The following RIMBP2 variants were observed in gnomAD, a reference collection of about 807,000 sequenced individuals.
RIMBP2 encodes the protein RIMS-binding protein 2.
A neutral mutation model predicts 118.6 loss-of-function variants in RIMBP2; 48 were observed. That is an observed-to-expected ratio of 0.40 (90% CI 0.32 to 0.51). The LOEUF (loss-of-function observed/expected upper bound fraction) is 0.51. Ranked by LOEUF, RIMBP2 falls within the 20% of genes least tolerant of loss-of-function variation. The pLI is 0.41. For missense variants in RIMBP2, 1,551 were observed against 1,768.3 expected, an observed-to-expected ratio of 0.88 and a Z score of 2.20; for synonymous variants, 762 against 742.9, an observed-to-expected ratio of 1.03 and a Z score of -0.42.
At chr12:130,510,642 C>T (rs1248838842) in intron 3 of RIMBP2, among the ~76,000 whole-genome samples, 3 of 152,040 alleles carry the variant, frequency 2.0e-5, no homozygotes, top group Non-Finnish European at 2.9e-5. Flanking sequence ...CTAATTTTTG[C>T]ATTTTAAGGA....
At chr12:130,474,794 C>T (rs938693194) in intron 5 of RIMBP2, among the ~76,000 whole-genome samples, 11 of 152,178 alleles carry the variant, frequency 7.2e-5, no homozygotes, top group African/African-American at 1.4e-4. Context: ...GACTGCACTC[C>T]GGGTCCCAGC....
chr12:130,555,436 T>C (rs964307629), intron 2 of RIMBP2, among the ~76,000 whole-genome samples: 1 of 152,214 alleles, frequency 6.6e-6, no homozygotes, highest in African/African-American at 2.4e-5. Flanking sequence ...TTAGTATTTA[T>C]ACTTTAGCCT....
chr12:130,689,514 C>T (rs191873491), intron 1 of RIMBP2, among the ~76,000 whole-genome samples: 5 of 152,232 alleles, frequency 3.3e-5, no homozygotes, highest in Admixed American at 2.0e-4. Flanking sequence ...ACTGCAGGCC[C>T]GAGAAAAAGG....
At chr12:130,463,315 CACCTGCTCGGCGCTAG>C in intron 6 of RIMBP2, among the ~76,000 whole-genome samples, 1 of 152,342 alleles carries the variant, frequency 6.6e-6, no homozygotes, top group African/African-American at 2.4e-5. Context: ...ATCCCGAGGC[CACCTGCTCGGCGCTAG>C]GGTCTGCAGG....
intron 2 of RIMBP2, among the ~76,000 whole-genome samples, chr12:130,582,256 G>C (rs536469862): frequency 6.7e-4 from 102 of 152,136 alleles, no homozygotes; most frequent in African/African-American, 2.4e-3. Context: ...AATCTGTTTT[G>C]TTCACTATTG....
Position 130,420,598 on chromosome 12 carries a change from A to C in RIMBP2, c.3238+1855T>G, listed in dbSNP as rs529568750. On this transcript the variant is annotated intron_variant, in intron 17 of 22. Coordinates refer to ENST00000690449, the MANE Select transcript of RIMBP2 (RefSeq NM_001393629.1). The surrounding 1 kb of genome is among the most constrained non-coding windows in gnomAD (Gnocchi z 4.3). ...TCTCACTGCTGATGAATGCAGTTTT[A>C]AAAAAAAAGTCTCAACAATATACAG... Among the ~76,000 whole-genome samples the C allele has an allele frequency of 1.3e-5, 2 of 150,994 alleles. No homozygotes were observed. The highest frequency in any genetic ancestry group is 4.9e-5 in the African/African-American group (2 of 40,706).
intron 12 of RIMBP2, 30 bp downstream of exon 12, chr12:130,438,335 A>AGCCACCCCCCCCC: frequency 2.3e-6 from 2 of 865,012 alleles, no homozygotes; most frequent in Non-Finnish European, 3.8e-6. Flanking sequence ...GGCCTAACAA[A>AGCCACCCCCCCCC]CCCTCCCCAC....
chr12:130,501,445 C>T (rs1365260846), intron 4 of RIMBP2, among the ~76,000 whole-genome samples: 1 of 152,198 alleles, frequency 6.6e-6, no homozygotes, highest in African/African-American at 2.4e-5. Flanking sequence ...GGGGGTTGGA[C>T]TCTGGACCAC....
At chr12:130,504,051 G>C (rs142434875) in intron 4 of RIMBP2, among the ~76,000 whole-genome samples, 1 of 152,188 alleles carries the variant, frequency 6.6e-6, no homozygotes, top group African/African-American at 2.4e-5. Flanking sequence ...GGGAGCAGGG[G>C]GGGGTGTCTA....
intron 2 of RIMBP2, among the ~76,000 whole-genome samples, chr12:130,563,478 T>C (rs557614413): frequency 1.3e-5 from 2 of 152,342 alleles, no homozygotes; most frequent in South Asian, 2.1e-4. Context: ...TCTACAATTA[T>C]TAAGCTGTTC....
At chr12:130,444,524 G>C (rs568004911) in intron 10 of RIMBP2, among the ~76,000 whole-genome samples, 2 of 152,340 alleles carry the variant, frequency 1.3e-5, no homozygotes, top group African/African-American at 4.8e-5. Context: ...TAGGGAATTA[G>C]GGAATCAAAT....
intron 3 of RIMBP2, among the ~76,000 whole-genome samples, chr12:130,507,879 C>G (rs548034957): frequency 3.9e-5 from 6 of 152,286 alleles, no homozygotes; most frequent in African/African-American, 1.2e-4. Flanking sequence ...CAAATACATT[C>G]TGTACTGAGT....
intron 2 of RIMBP2, among the ~76,000 whole-genome samples, chr12:130,555,066 C>G (rs945947510): frequency 1.3e-5 from 2 of 152,160 alleles, no homozygotes; most frequent in African/African-American, 4.8e-5. Flanking sequence ...ATCATTATCC[C>G]CATCTTAGAG....
At chr12:130,540,707 T>C (rs1374571132) in intron 2 of RIMBP2, among the ~76,000 whole-genome samples, 1 of 152,106 alleles carries the variant, frequency 6.6e-6, no homozygotes, top group African/African-American at 2.4e-5. Flanking sequence ...CCCCTAGTAT[T>C]AGTTGGTCAG....
At chr12:130,502,086 C>T (rs2049847855) in intron 4 of RIMBP2, among the ~76,000 whole-genome samples, 1 of 152,340 alleles carries the variant, frequency 6.6e-6, no homozygotes, top group African/African-American at 2.4e-5. Context: ...GCCAGAAGCC[C>T]TGTCTTGCCT....
intron 2 of RIMBP2, among the ~76,000 whole-genome samples, chr12:130,530,853 C>T (rs1392209790): frequency 6.6e-6 from 1 of 152,218 alleles, no homozygotes; most frequent in Admixed American, 6.5e-5. Context: ...AGCAAGGCCA[C>T]ATTCAGTTAT....
chr12:130,704,623 T>A (rs1425110180), intron 1 of RIMBP2, among the ~76,000 whole-genome samples: 1 of 151,940 alleles, frequency 6.6e-6, no homozygotes, highest in Non-Finnish European at 1.5e-5. Flanking sequence ...TAAAGGGAAG[T>A]TTTTAAATCT....
chr12:130,403,153 C>G (rs1349234534), intron 21 of RIMBP2, among the ~76,000 whole-genome samples: 1 of 152,096 alleles, frequency 6.6e-6, no homozygotes, highest in Non-Finnish European at 1.5e-5. Context: ...TTACAGATAT[C>G]AAAACAAAGT....
chr12:130,451,228 T>C lies in RIMBP2; in HGVS notation c.471A>G (p.Arg157=). 2 of 1,613,954 alleles carry C rather than the reference T, an allele frequency of 1.2e-6. No individual in the cohort carries two copies. The highest frequency in any genetic ancestry group is 1.7e-6 in the Non-Finnish European group (2 of 1,179,952). Residue 157 remains arginine (R), a synonymous_variant, in exon 8 of 23, where the codon AGA becomes AGG. Transcript: ENST00000690449. ...CAGATCTGCATCTTGCGCTACCGGA[T>C]CTCGACAGGAAGGTGGGCTTGGCGG... ...PLSAKPTFLS[R]SGSARCRSES...
Sources: gnomAD v4.1 joint callset for allele counts (sites outside exome capture counted in the v4.1 genomes callset) on GRCh38, gnomAD v4.1.1 for gene constraint, Gnocchi (gnomAD v3.1) non-coding constraint, MANE v1.5 for transcripts, NCBI Gene and HGNC (gene_info 2026-07-23, HGNC 2026-07-21) for gene names.